The following GNG12 variants were observed in gnomAD, a reference collection of about 807,000 sequenced individuals.
The protein encoded by GNG12 is G protein subunit gamma 12, also known as guanine nucleotide-binding protein G(I)/G(S)/G(O) subunit gamma-12.
For synonymous variants in GNG12, 28 were observed against 29.7 expected, an observed-to-expected ratio of 0.94 and a Z score of 0.19; for missense variants, 69 against 83.8, an observed-to-expected ratio of 0.82 and a Z score of 0.69.
At chr1:67,806,360 C>T (rs1646894454) in intron 1 of GNG12, among the ~76,000 whole-genome samples, 1 of 152,050 alleles carries the variant, frequency 6.6e-6, no homozygotes, top group Admixed American at 6.6e-5. Flanking sequence ...CAGGTTTGAA[C>T]TGAGAAGGTC....
chr1:67,718,916 C>T (rs1646341969), intron 2 of GNG12, among the ~76,000 whole-genome samples: 1 of 152,192 alleles, frequency 6.6e-6, no homozygotes, highest in Non-Finnish European at 1.5e-5. Flanking sequence ...ACTATATGCC[C>T]ATCAATGTCA....
intron 1 of GNG12, among the ~76,000 whole-genome samples, chr1:67,819,377 T>C (rs1324871269): frequency 6.6e-6 from 1 of 152,186 alleles, no homozygotes; most frequent in Non-Finnish European, 1.5e-5. Flanking sequence ...AGTTGTGTCT[T>C]AGGAAAATTC....
At chr1:67,790,305 T>A (rs137964323) in intron 1 of GNG12, among the ~76,000 whole-genome samples, 1 of 152,186 alleles carries the variant, frequency 6.6e-6, no homozygotes. Context: ...CCATTTTACA[T>A]ACATTTTTAC....
chr1:67,762,371 G>A (rs1646610728), intron 2 of GNG12, among the ~76,000 whole-genome samples: 1 of 152,142 alleles, frequency 6.6e-6, no homozygotes. Flanking sequence ...AGGAGGTGCT[G>A]ATTCCCAAAG....
Position 67,776,636 on chromosome 1 carries a change from C to A in GNG12, c.-27+822G>T, listed in dbSNP as rs1469128106. 3.3e-5 allele frequency among the ~76,000 whole-genome samples: 5 copies of A among 152,218 alleles called. No individual in the cohort carries two copies. The East Asian group carries it at 9.6e-4, about 29-fold the overall frequency. The stretch of plus-strand genomic sequence containing the variant: ...TCTCCACCTGACAGCCAGTGACCCC[C>A]AGAAACAAAGCCTAGCTGACATGGA... On this transcript the variant is annotated intron_variant, in intron 2 of 3. Coordinates refer to ENST00000370982, the MANE Select transcript of GNG12 (RefSeq NM_018841.6).
At chr1:67,761,940 C>T (rs550853855) in intron 2 of GNG12, among the ~76,000 whole-genome samples, 4 of 152,294 alleles carry the variant, frequency 2.6e-5, no homozygotes, top group South Asian at 2.1e-4. Flanking sequence ...AGACCACTCT[C>T]TCCCACACCC....
intron 1 of GNG12, among the ~76,000 whole-genome samples, chr1:67,799,700 G>A (rs1182084114): frequency 6.6e-6 from 1 of 152,064 alleles, no homozygotes; most frequent in Non-Finnish European, 1.5e-5. Context: ...AATTGAAACT[G>A]AGAAATTAAA....
intron 1 of GNG12, among the ~76,000 whole-genome samples, chr1:67,801,116 C>G (rs777909786): frequency 3.3e-5 from 5 of 152,150 alleles, no homozygotes; most frequent in Non-Finnish European, 7.4e-5. Context: ...CAGAGAAGCA[C>G]AACCTCAGTT....
At chr1:67,736,962 T>C (rs1646456128) in intron 2 of GNG12, among the ~76,000 whole-genome samples, 2 of 152,020 alleles carry the variant, frequency 1.3e-5, no homozygotes, top group South Asian at 4.2e-4. Flanking sequence ...AAACTGAGGG[T>C]TGGAGGAGTG....
chr1:67,710,848 C>A (rs564912850), intron 2 of GNG12, among the ~76,000 whole-genome samples: 3 of 152,272 alleles, frequency 2.0e-5, no homozygotes, highest in Middle Eastern at 3.4e-3. Context: ...CCAGGCTCGA[C>A]AAAGTCCATG....
intron 1 of GNG12, among the ~76,000 whole-genome samples, chr1:67,792,479 C>T (rs1461168020): frequency 6.6e-6 from 1 of 152,062 alleles, no homozygotes; most frequent in African/African-American, 2.4e-5. Context: ...TGGTATCTGC[C>T]CATTGGGGTG....
intron 1 of GNG12, among the ~76,000 whole-genome samples, chr1:67,806,598 A>C (rs1383855791): frequency 6.6e-6 from 1 of 152,106 alleles, no homozygotes; most frequent in Non-Finnish European, 1.5e-5. Flanking sequence ...GGGATAGAGA[A>C]AGACATACCA....
rs1414541365 is a variant in GNG12, at chr1:67,754,942, G to A, written c.-27+22516C>T. Among the ~76,000 whole-genome samples, 5 of 152,258 alleles carry A rather than the reference G, an allele frequency of 3.3e-5. 1 individual carries two copies. Among genetic ancestry groups the A allele is most frequent in the African/African-American group, 1.2e-4 (5 of 41,468 alleles). On this transcript the variant is annotated intron_variant, in intron 2 of 3. Transcript: ENST00000370982. ...ATGTGATGAAGGTAAATCCAGATTGGTCTAGGCCACATGGATGGCCCCAGA... is the reference window on the plus strand; with the variant it reads ...ATGTGATGAAGGTAAATCCAGATTGATCTAGGCCACATGGATGGCCCCAGA...
In GNG12 at chr1:67,746,422, CT is replaced by C. The variant is rs201057544; in HGVS notation, c.-27+31035del. 1.5e-3 allele frequency among the ~76,000 whole-genome samples: 219 copies of C among 150,208 alleles called. 1 individual carries two copies. The highest frequency in any genetic ancestry group is 2.2e-3 in the African/African-American group (91 of 41,026). On this transcript the variant is annotated intron_variant, in intron 2 of 3. Transcript: ENST00000370982. The stretch of plus-strand genomic sequence containing the variant: ...GAATTAAAAAGAAAGTTACCAAATA[CT>C]TTTTTTTTTAAACTAAGCAAGCCTG...
chr1:67,829,373 A>T (rs1349116870), intron 1 of GNG12, among the ~76,000 whole-genome samples: 1 of 152,228 alleles, frequency 6.6e-6, no homozygotes, highest in Non-Finnish European at 1.5e-5. Flanking sequence ...AAACCATTTC[A>T]CATTTAAAAG....
intron 1 of GNG12, among the ~76,000 whole-genome samples, chr1:67,813,500 A>G (rs975548493): frequency 6.6e-6 from 1 of 152,248 alleles, no homozygotes; most frequent in African/African-American, 2.4e-5. Flanking sequence ...TGTTCCAAGG[A>G]AACTGGAACA....
intron 1 of GNG12, among the ~76,000 whole-genome samples, chr1:67,816,168 G>C (rs1422911435): frequency 1.3e-5 from 2 of 152,118 alleles, no homozygotes; most frequent in Non-Finnish European, 2.9e-5. Flanking sequence ...AAAAGATAAT[G>C]TACGAAATCA....
intron 2 of GNG12, among the ~76,000 whole-genome samples, chr1:67,739,863 A>G (rs1646473175): frequency 6.6e-6 from 1 of 152,234 alleles, no homozygotes; most frequent in African/African-American, 2.4e-5. Context: ...GGGCCGGAAA[A>G]TATTTACAAC....
At chr1:67,761,870 T>C (rs972372067) in intron 2 of GNG12, among the ~76,000 whole-genome samples, 2 of 151,866 alleles carry the variant, frequency 1.3e-5, no homozygotes, top group Non-Finnish European at 2.9e-5. Flanking sequence ...AATGGGGACA[T>C]TGAGTTTAAT....
Sources: gnomAD v4.1 joint callset for allele counts (sites outside exome capture counted in the v4.1 genomes callset) on GRCh38, gnomAD v4.1.1 for gene constraint, MANE v1.5 for transcripts, NCBI Gene and HGNC (gene_info 2026-07-23, HGNC 2026-07-21) for gene names.